Variants in RET observed in about 807,000 individuals in gnomAD.
RET encodes the protein ret proto-oncogene, also known as proto-oncogene tyrosine-protein kinase receptor Ret.
RET carries 19 observed loss-of-function variants against 118.3 expected under a neutral mutation model. The observed-to-expected ratio is 0.16, with a 90% CI of 0.11 to 0.24. The LOEUF is 0.24. Ranked by LOEUF, RET falls within the 10% of genes least tolerant of loss-of-function variation. The pLI is 1.00. For synonymous variants in RET, 597 were observed against 644.1 expected (o/e 0.93, Z 1.11); for missense variants, 1,219 against 1,502.1 (o/e 0.81, Z 3.12).
chr10:43,082,897 G>A (rs1837215677), intron 1 of RET, among the ~76,000 whole-genome samples: 1 of 152,230 alleles, frequency 6.6e-6, no homozygotes, highest in Non-Finnish European at 1.5e-5. Context: ...TGGAGGGAGG[G>A]AGAGGGCTCA....
At chr10:43,120,623 A>C (rs1236051126) in intron 15 of RET, among the ~76,000 whole-genome samples, 2 of 152,248 alleles carry the variant, frequency 1.3e-5, no homozygotes, top group African/African-American at 2.4e-5. Flanking sequence ...TTTACAAGTG[A>C]GGCTTCTCCC....
chr10:43,078,306 C>T (rs528143118), intron 1 of RET, among the ~76,000 whole-genome samples: 1 of 152,362 alleles, frequency 6.6e-6, no homozygotes, highest in East Asian at 1.9e-4. Context: ...TGGCCATCCT[C>T]CCTCACTCCT....
At chr10:43,093,738 G>A (rs953902789) in intron 1 of RET, among the ~76,000 whole-genome samples, 5 of 152,184 alleles carry the variant, frequency 3.3e-5, no homozygotes, top group Admixed American at 6.5e-5. Context: ...CCTGAGCATG[G>A]GCCCTCAGCA....
chr10:43,106,253 G>T lies in RET; in HGVS notation c.868-123G>T. Reference sequence around the variant, plus strand: ...TCAGACTGTCCCCAGACCTGGCTCTGACAACACACATCTGGTCCACCTATG... The same window carrying T: ...TCAGACTGTCCCCAGACCTGGCTCTTACAACACACATCTGGTCCACCTATG... On this transcript the variant is annotated intron_variant, in intron 4 of 19. Coordinates refer to ENST00000355710, the MANE Select transcript of RET (RefSeq NM_020975.6). This position sits in a 1 kb window ranked among gnomAD's most constrained non-coding sequence, Gnocchi z 5.1. 1 of 1,004,278 alleles carries T rather than the reference G, an allele frequency of 1.0e-6. No homozygotes were observed. Among genetic ancestry groups the T allele is most frequent in the Non-Finnish European group, 1.5e-6 (1 of 661,782 alleles). The allele number at this position is 1,004,278 out of a possible 1,614,324, so 62.2% of individuals were successfully genotyped here.
intron 1 of RET, among the ~76,000 whole-genome samples, chr10:43,085,412 G>T (rs1364572622): frequency 6.6e-6 from 1 of 152,168 alleles, no homozygotes; most frequent in South Asian, 2.1e-4. Context: ...TTGCCTCATC[G>T]TCAGTGGCCT....
At position 43,130,225 on chromosome 10, in the gene RET, A is replaced by G; in HGVS notation, c.*1956A>G. ...TAAGTATTACTGAGTATTAAGTAGT[A>G]ATCTGTCAGTTATTAAAATTTGTAA... On this transcript the variant is annotated 3_prime_UTR_variant, in exon 20 of 20. Transcript: ENST00000355710. The G allele has an allele frequency of 2.5e-6, 1 of 392,802 alleles. No individual in the cohort carries two copies. The highest frequency in any genetic ancestry group is 3.6e-5 in the East Asian group (1 of 27,758). The allele number at this position is 392,802 out of a possible 1,614,324, so 24.3% of individuals were successfully genotyped here. A position where few individuals can be genotyped will look rare whatever the true frequency, so the allele number is the denominator to read the frequency against.
Position 43,100,751 on chromosome 10 carries a change from G to A in RET, c.337+29G>A, listed in dbSNP as rs578158807. The A allele has an allele frequency of 5.9e-5, 57 of 970,642 alleles. No individual in the cohort carries two copies. Among genetic ancestry groups the A allele is most frequent in the East Asian group, 1.7e-4 (3 of 17,672 alleles). 60.1% of individuals were successfully genotyped at this position (970,642 alleles called of 1,614,324 possible). The stretch of plus-strand genomic sequence containing the variant: ...AGGGAGCCGCCCCAACACCCACCCC[G>A]TGCCCCACCCCACCCCTTCCTCAAG... On this transcript the variant is annotated intron_variant, in intron 2 of 19. Coordinates refer to ENST00000355710, the MANE Select transcript of RET (RefSeq NM_020975.6).
chr10:43,118,434 C>T lies in RET; in HGVS notation c.2346C>T (p.Val782=), dbSNP rs2132930504. The T allele has an allele frequency of 6.2e-7, 1 of 1,614,120 alleles. No homozygotes were observed. Among genetic ancestry groups the T allele is most frequent in the Non-Finnish European group, 8.5e-7 (1 of 1,180,028 alleles). ...CAGAGTTCAACGTCCTGAAGCAGGT[C>T]AACCACCCACATGTCATCAAATTGT... is the stretch of plus-strand genomic sequence containing the variant. The part of the protein sequence containing the change: ...LLSEFNVLKQ[V]NHPHVIKLYG... The change falls in exon 13 of 20, where the codon GTC becomes GTT. Residue 782 remains valine, a synonymous_variant. Coordinates refer to ENST00000355710, the MANE Select transcript of RET (RefSeq NM_020975.6).
chr10:43,094,033 A>C (rs1837466788), intron 1 of RET, among the ~76,000 whole-genome samples: 1 of 143,774 alleles, frequency 7.0e-6, no homozygotes, highest in African/African-American at 2.6e-5. Flanking sequence ...TTCGTTGTAC[A>C]TGTCAAATAT....
At chr10:43,103,243 GCTGGCAGGAC>G (rs749184204) in intron 3 of RET, among the ~76,000 whole-genome samples, 8 of 152,152 alleles carry the variant, frequency 5.3e-5, no homozygotes, top group Non-Finnish European at 8.8e-5. Context: ...GGGAGGGAGT[GCTGGCAGGAC>G]CTGACTTAGT....
At chr10:43,094,055 A>G (rs1201963405) in intron 1 of RET, among the ~76,000 whole-genome samples, 1 of 143,728 alleles carries the variant, frequency 7.0e-6, no homozygotes. Flanking sequence ...TGACTATAGT[A>G]AGAGAAAACG....
intron 14 of RET, 130 bp downstream of exon 14, chr10:43,119,875 C>G (rs558923971): frequency 1.6e-6 from 2 of 1,259,884 alleles, no homozygotes; most frequent in South Asian, 2.5e-5. Context: ...ATGCCCCTGC[C>G]ATGGCATGCC....
chr10:43,107,601 A>C lies in RET; in HGVS notation c.1063+1030A>C, dbSNP rs71814997. ...CACACACACACACACACACACACAC[A>C]CCCTGTTACCCAAAAAACGAAACTC... On this transcript the variant is annotated intron_variant, in intron 5 of 19. Coordinates refer to ENST00000355710, the MANE Select transcript of RET (RefSeq NM_020975.6). Among the ~76,000 whole-genome samples, 9 of 136,126 alleles carry C rather than the reference A, an allele frequency of 6.6e-5. No homozygotes were observed. In the East Asian group the frequency reaches 1.3e-3, roughly 19 times the overall value. The allele number at this position is 136,126 out of a possible 152,430, so 89.3% of individuals were successfully genotyped here. A position where few individuals can be genotyped will look rare whatever the true frequency, so the allele number is the denominator to read the frequency against.
chr10:43,089,115 G>A (rs1714629596), intron 1 of RET, among the ~76,000 whole-genome samples: 1 of 152,230 alleles, frequency 6.6e-6, no homozygotes, highest in South Asian at 2.1e-4. Flanking sequence ...CCTGGGCTAG[G>A]CACTCTCCTC....
At chr10:43,125,644 G>A (rs1838313025) in intron 18 of RET, among the ~76,000 whole-genome samples, 1 of 152,164 alleles carries the variant, frequency 6.6e-6, no homozygotes, top group Non-Finnish European at 1.5e-5. Flanking sequence ...ATATTCATCA[G>A]GCAGCTGCTA....
At chr10:43,120,008 G>A (rs1007036689) in intron 14 of RET, 73 bp from the exon 15 acceptor site, 10 of 1,598,244 alleles carry the variant, frequency 6.3e-6, no homozygotes, top group Non-Finnish European at 8.5e-6. Flanking sequence ...CCCTCTGCTG[G>A]TCACACCAGG....
intron 1 of RET, among the ~76,000 whole-genome samples, chr10:43,083,644 A>G (rs748019262): frequency 2.0e-5 from 3 of 152,200 alleles, no homozygotes; most frequent in African/African-American, 7.2e-5. Context: ...GGGGGCACGC[A>G]GGGGTGTACC....
At chr10:43,116,904 A>G (rs1838085815) in intron 12 of RET, among the ~76,000 whole-genome samples, 173 bp downstream of exon 12, 1 of 152,230 alleles carries the variant, frequency 6.6e-6, no homozygotes, top group South Asian at 2.1e-4. Context: ...CAGAGCGAGG[A>G]CTTTGCTCTC....
At chr10:43,122,081 C>A (rs2132988529) in intron 16 of RET, 65 bp downstream of exon 16, 1 of 1,264,466 alleles carries the variant, frequency 7.9e-7, no homozygotes, top group Non-Finnish European at 1.2e-6. Flanking sequence ...TGTAGTGGGG[C>A]CACGACGCCC....
Sources: gnomAD v4.1 joint callset for allele counts (sites outside exome capture counted in the v4.1 genomes callset) on GRCh38, gnomAD v4.1.1 for gene constraint, Gnocchi (gnomAD v3.1) non-coding constraint, MANE v1.5 for transcripts, NCBI Gene and HGNC (gene_info 2026-07-23, HGNC 2026-07-21) for gene names.